The following FMR1 variants were observed in gnomAD, a reference collection of about 807,000 sequenced individuals.
FMR1 encodes the protein fragile X messenger ribonucleoprotein 1, also known as FMRP translational regulator 1.
FMR1 carries 13 observed loss-of-function variants against 50.6 expected under a neutral mutation model. The ratio of observed to expected loss-of-function variants is 0.26; its 90% confidence interval spans 0.17 to 0.41. The LOEUF (loss-of-function observed/expected upper bound fraction) is 0.41, where lower values mean the gene tolerates loss of function less well. Ranked by LOEUF, FMR1 falls within the 10% of genes least tolerant of loss-of-function variation. FMR1 has a pLI of 1.00. For synonymous variants in FMR1, 138 were observed against 164.1 expected (o/e 0.84, Z 1.22); for missense variants, 316 against 491.3 (o/e 0.64, Z 3.37).
intron 7 of FMR1, among the ~76,000 whole-genome samples, chrX:147,931,860 G>C (rs1341045599): frequency 1.8e-5 from 2 of 111,263 alleles, no homozygotes; most frequent in Admixed American, 9.6e-5. Context: ...AACAATTTTT[G>C]ATTCCTTAGG....
At chrX:147,921,115 A>G (rs1175310969) in intron 1 of FMR1, among the ~76,000 whole-genome samples, 3 of 111,939 alleles carry the variant, frequency 2.7e-5, no homozygotes, top group Admixed American at 1.9e-4. Flanking sequence ...TTTAAAATAA[A>G]TTAAGATATA....
intron 9 of FMR1, 35 bp from the exon 10 acceptor site, chrX:147,936,469 T>TG: frequency 1.0e-6 from 1 of 956,923 alleles, no homozygotes; most frequent in Non-Finnish European, 1.5e-6. Flanking sequence ...GAGGTATGTG[T>TG]TTTTAAAACC....
chrX:147,923,421 A>G (rs1207948282), intron 2 of FMR1, among the ~76,000 whole-genome samples: 1 of 111,740 alleles, frequency 8.9e-6, no homozygotes, highest in Non-Finnish European at 1.9e-5. Context: ...TCTTACAATT[A>G]TACACTTTAT....
chrX:147,950,043 G>C lies in FMR1; in HGVS notation c.*1199G>C. 3.2e-6 allele frequency: 1 copy of C among 311,010 alleles called. No individual in the cohort carries two copies. The highest frequency in any genetic ancestry group is 6.1e-6 in the Non-Finnish European group (1 of 164,793). 25.6% of individuals were successfully genotyped at this position (311,010 alleles called of 1,213,427 possible). A position where few individuals can be genotyped will look rare whatever the true frequency, so the allele number is the denominator to read the frequency against. On this transcript the variant is annotated 3_prime_UTR_variant, in exon 17 of 17. Coordinates refer to ENST00000370475, the MANE Select transcript of FMR1 (RefSeq NM_002024.6). ...CAACTTTTTTTTCTTTTTTTCTTTT[G>C]TTTTTTGAAGTGTTGGGGTTTGGTT...
At chrX:147,928,525 T>C in intron 4 of FMR1, 132 bp downstream of exon 4, 1 of 743,324 alleles carries the variant, frequency 1.3e-6, no homozygotes. Context: ...ATGTTTTCAC[T>C]ATGTGTTCAG....
Position 147,932,531 on chromosome X carries a change from A to G in FMR1, c.737A>G (p.Lys246Arg), listed in dbSNP as rs782077714. Reference sequence around the variant, plus strand: ...GGTGCTAATATTCAGCAAGCTAGAAAAGTACCTGGGGTCACTGCTATTGAT... The same window carrying G: ...GGTGCTAATATTCAGCAAGCTAGAAGAGTACCTGGGGTCACTGCTATTGAT... ...THGANIQQARKVPGVTAIDLD... is the reference protein window; with the variant it reads ...THGANIQQARRVPGVTAIDLD... The change falls in exon 8 of 17, where the codon AAA (lysine) becomes AGA (arginine). Residue 246 changes from lysine (K) to arginine (R), a missense_variant. Physicochemically the swap from Lys to Arg is conservative, Grantham distance 26. Coordinates refer to ENST00000370475, the MANE Select transcript of FMR1 (RefSeq NM_002024.6). 32 of 1,206,966 alleles carry G rather than the reference A, an allele frequency of 2.7e-5. No homozygotes were observed. The Admixed American group carries it at 7.0e-4, about 26-fold the overall frequency.
rs781840329 is a variant in FMR1 at position 147,922,205 on chromosome X, T to G, written c.104+220T>G. ...TCCCTTATTGTATGGTATTGATCCT[T>G]ACGTCTTAATTCCCTTGAATGTGAA... On this transcript the variant is annotated intron_variant, in intron 2 of 16. Transcript: ENST00000370475. 2.7e-5 allele frequency among the ~76,000 whole-genome samples: 3 copies of G among 112,046 alleles called. No homozygotes were observed. In the South Asian group the frequency reaches 1.1e-3, roughly 41 times the overall value.
At chrX:147,933,491 A>G (rs1283809947) in intron 9 of FMR1, 10 of 949,525 alleles carry the variant, frequency 1.1e-5, no homozygotes, top group Non-Finnish European at 1.3e-5. Context: ...TGCAAAGTCA[A>G]TAGTAATTCT....
At chrX:147,934,209 T>TG (rs1165583872) in intron 9 of FMR1, among the ~76,000 whole-genome samples, 134 of 110,872 alleles carry the variant, frequency 1.2e-3, no homozygotes, top group Non-Finnish European at 2.0e-3. Flanking sequence ...TGTTTTGTTT[T>TG]TTTTTTTTAA....
chrX:147,925,125 C>T (rs1368485883), intron 2 of FMR1: 1 of 142,188 alleles, frequency 7.0e-6, no homozygotes, highest in Admixed American at 7.9e-5. Flanking sequence ...TTTTTGTGGT[C>T]CTTGGAATGT....
chrX:147,936,641 C>G, intron 10 of FMR1, 28 bp downstream of exon 10: 1 of 937,255 alleles, frequency 1.1e-6, no homozygotes, highest in Non-Finnish European at 1.5e-6. Context: ...TATTTTGTGG[C>G]ACATATAATA....
chrX:147,943,477 G>GT (rs1207910213), intron 14 of FMR1, 151 bp downstream of exon 14: 1 of 506,794 alleles, frequency 2.0e-6, no homozygotes, highest in Admixed American at 3.2e-5. Context: ...GAGACATAGA[G>GT]TAAAAACCTG....
At chrX:147,917,903 C>T (rs1378511533) in intron 1 of FMR1, among the ~76,000 whole-genome samples, 1 of 111,581 alleles carries the variant, frequency 9.0e-6, no homozygotes, top group African/African-American at 3.3e-5. Flanking sequence ...AACCGTTAAC[C>T]ACTAAGTACA....
chrX:147,929,117 TG>T (rs2043494398), intron 5 of FMR1, among the ~76,000 whole-genome samples: 1 of 112,097 alleles, frequency 8.9e-6, no homozygotes, highest in Admixed American at 9.5e-5. Context: ...ATCAAACAAA[TG>T]TGATAATTCT....
chrX:147,941,725 G>A (rs1382584747), intron 13 of FMR1, among the ~76,000 whole-genome samples: 3 of 108,797 alleles, frequency 2.8e-5, no homozygotes, highest in Non-Finnish European at 5.7e-5. Context: ...TGTCTCTCTC[G>A]TAATTAGCTT....
intron 2 of FMR1, 94 bp from the exon 3 acceptor site, chrX:147,925,446 G>T (rs2043354063): frequency 4.6e-6 from 3 of 655,823 alleles, no homozygotes; most frequent in South Asian, 4.4e-5. Flanking sequence ...GAAAAAGAGG[G>T]GTCAGCCTTA....
chrX:147,914,521 CT>C (rs1300467325), intron 1 of FMR1: 2 of 112,103 alleles, frequency 1.8e-5, no homozygotes, highest in Non-Finnish European at 3.8e-5. Context: ...GATAGAAAAG[CT>C]TTTAAAACTA....
Position 147,921,129 on chromosome X carries a change from C to T in FMR1, c.52-804C>T, listed in dbSNP as rs184329349. ...TTTTAAAATAAATTAAGATATAAAG[C>T]CTTTGGGTTTCTTTATGCTTTGTCC... On this transcript the variant is annotated intron_variant, in intron 1 of 16. Coordinates refer to ENST00000370475, the MANE Select transcript of FMR1 (RefSeq NM_002024.6). Among the ~76,000 whole-genome samples, 11 of 111,754 alleles carry T rather than the reference C, an allele frequency of 9.8e-5. No homozygotes were observed. The East Asian group carries it at 2.8e-3, about 28-fold the overall frequency.
intron 12 of FMR1, among the ~76,000 whole-genome samples, chrX:147,939,662 C>T (rs2043912267): frequency 9.1e-6 from 1 of 109,696 alleles, no homozygotes; most frequent in African/African-American, 3.3e-5. Context: ...TTTGGGAGGC[C>T]AAGGCAGGCA....
Sources: gnomAD v4.1 joint callset for allele counts (sites outside exome capture counted in the v4.1 genomes callset) on GRCh38, gnomAD v4.1.1 for gene constraint, MANE v1.5 for transcripts, NCBI Gene and HGNC (gene_info 2026-07-23, HGNC 2026-07-21) for gene names.